The following GRIN3A variants were observed in gnomAD, a reference collection of about 807,000 sequenced individuals.
GRIN3A encodes the protein glutamate ionotropic receptor NMDA type subunit 3A, also known as glutamate receptor ionotropic, NMDA 3A.
In GRIN3A, 47 loss-of-function variants were observed where a neutral mutation model predicts 92.4. That is an observed-to-expected ratio of 0.51 (90% CI 0.40 to 0.65). GRIN3A has a LOEUF of 0.65. Ranked by LOEUF, GRIN3A falls within the 30% of genes least tolerant of loss-of-function variation. The pLI is 0.00. For missense variants in GRIN3A, 1,324 were observed against 1,393.1 expected (o/e 0.95, Z 0.79); for synonymous variants, 527 against 540.6 (o/e 0.97, Z 0.35).
At chr9:101,717,575 C>CT (rs1326734277) in intron 1 of GRIN3A, among the ~76,000 whole-genome samples, 1 of 152,202 alleles carries the variant, frequency 6.6e-6, no homozygotes, top group Non-Finnish European at 1.5e-5. Flanking sequence ...GAACTCTTGT[C>CT]TGATTTCCCG....
intron 3 of GRIN3A, among the ~76,000 whole-genome samples, chr9:101,658,195 A>G (rs758494821): frequency 1.3e-5 from 2 of 151,944 alleles, no homozygotes; most frequent in African/African-American, 4.8e-5. Context: ...TTTTAGCCCA[A>G]TTTCCTCATC....
intron 2 of GRIN3A, among the ~76,000 whole-genome samples, chr9:101,685,736 AAAT>A (rs1402309567): frequency 6.7e-6 from 1 of 149,690 alleles, no homozygotes; most frequent in African/African-American, 2.5e-5. Flanking sequence ...ATAAACAAAT[AAAT>A]AATATTTTAT....
chr9:101,604,787 T>C (rs1346250651), intron 6 of GRIN3A, among the ~76,000 whole-genome samples: 1 of 152,176 alleles, frequency 6.6e-6, no homozygotes, highest in Non-Finnish European at 1.5e-5. Flanking sequence ...AAAGATAAAC[T>C]GGTCAGAAAA....
intron 2 of GRIN3A, among the ~76,000 whole-genome samples, chr9:101,677,468 T>C (rs994742717): frequency 6.6e-6 from 1 of 152,152 alleles, no homozygotes; most frequent in South Asian, 2.1e-4. Flanking sequence ...TGGGAGATCT[T>C]GTCTTAAAGC....
chr9:101,685,375 T>C (rs1186409924), intron 2 of GRIN3A, among the ~76,000 whole-genome samples: 2 of 147,488 alleles, frequency 1.4e-5, no homozygotes, highest in Non-Finnish European at 3.0e-5. Flanking sequence ...TTTTTAAAGG[T>C]AAGAAGTTAT....
intron 6 of GRIN3A, chr9:101,594,384 T>G: frequency 6.4e-7 from 1 of 1,562,330 alleles, no homozygotes; most frequent in African/African-American, 1.4e-5. Context: ...CAGAAGTTGT[T>G]GGGTGGTGCT....
At chr9:101,584,464 A>G (rs969497630) in intron 6 of GRIN3A, among the ~76,000 whole-genome samples, 1 of 152,204 alleles carries the variant, frequency 6.6e-6, no homozygotes, top group African/African-American at 2.4e-5. Context: ...CTATACAACT[A>G]ATGTTTTAAA....
chr9:101,670,974 G>A lies in GRIN3A; in HGVS notation c.1438C>T (p.Arg480Cys), dbSNP rs149729514. 2.4e-5 allele frequency: 39 copies of A among 1,613,868 alleles called. No individual in the cohort carries two copies. The highest frequency in any genetic ancestry group is 6.7e-5 in the African/African-American group (5 of 74,904). Reference sequence around the variant, plus strand: ...TTTCCCCCCTGCCAGCTGCCCAAGCGGGTCCACATTGGCTTTCCCATGGGG... The same window carrying A: ...TTTCCCCCCTGCCAGCTGCCCAAGCAGGTCCACATTGGCTTTCCCATGGGG... ...HDPMGKPMWT[R>C]LGSWQGGKIV... Residue 480 changes from arginine (R) to cysteine (C), a missense_variant, in exon 3 of 9, where the codon CGC (arginine) becomes TGC (cysteine). By Grantham distance (180) the Arg-to-Cys change is radical. Coordinates refer to ENST00000361820, the MANE Select transcript of GRIN3A (RefSeq NM_133445.3).
At chr9:101,617,536 G>T (rs1373482083) in intron 5 of GRIN3A, among the ~76,000 whole-genome samples, 1 of 152,058 alleles carries the variant, frequency 6.6e-6, no homozygotes, top group Non-Finnish European at 1.5e-5. Context: ...TTAATTTGCA[G>T]TTGCTAAAAA....
chr9:101,720,628 A>G (rs1481323277), intron 1 of GRIN3A, among the ~76,000 whole-genome samples: 1 of 152,236 alleles, frequency 6.6e-6, no homozygotes, highest in Non-Finnish European at 1.5e-5. Context: ...ACATTGTTTC[A>G]ATGGAAAAAT....
intron 6 of GRIN3A, chr9:101,592,638 G>A (rs989335250): frequency 6.6e-6 from 1 of 152,152 alleles, no homozygotes; most frequent in African/African-American, 2.4e-5. Context: ...GGTTGAACAG[G>A]AATTGAAGGG....
intron 2 of GRIN3A, among the ~76,000 whole-genome samples, chr9:101,685,573 T>A (rs920433665): frequency 6.6e-6 from 1 of 152,002 alleles, no homozygotes; most frequent in African/African-American, 2.4e-5. Flanking sequence ...TTTAAGGATA[T>A]TCCCCCTTTC....
intron 6 of GRIN3A, among the ~76,000 whole-genome samples, chr9:101,605,790 T>C (rs974084203): frequency 6.6e-6 from 1 of 152,220 alleles, no homozygotes; most frequent in African/African-American, 2.4e-5. Context: ...CTTTTCCCTA[T>C]CCCATGCAAT....
In GRIN3A at chr9:101,623,334, C is replaced by A; in HGVS notation, c.2598G>T (p.Lys866Asn). Residue 866 changes from lysine (K) to asparagine (N), a missense_variant, in exon 5 of 9, where the codon AAG becomes AAT. Physicochemically the swap from Lys to Asn is moderately conservative, Grantham distance 94. Transcript: ENST00000361820. ...GATTAATACCTTCTATGGCAAATGG[C>A]TTCCCCACAGTGAGAAGTTTGCAGT... ...DADCKLLTVGKPFAIEGYGIG... is the reference protein window; with the variant it reads ...DADCKLLTVGNPFAIEGYGIG... 1 of 1,611,048 alleles carries A rather than the reference C, an allele frequency of 6.2e-7. No homozygotes were observed. Among genetic ancestry groups the A allele is most frequent in the Non-Finnish European group, 8.5e-7 (1 of 1,177,178 alleles).
intron 6 of GRIN3A, chr9:101,591,899 C>G (rs1310634976): frequency 6.6e-6 from 1 of 152,204 alleles, no homozygotes; most frequent in Non-Finnish European, 1.5e-5. Flanking sequence ...CATTTCCTCT[C>G]TTTGTTAAAT....
At chr9:101,623,729 C>A (rs142394965) in intron 4 of GRIN3A, among the ~76,000 whole-genome samples, 101 of 152,336 alleles carry the variant, frequency 6.6e-4, no homozygotes, top group African/African-American at 2.3e-3. Context: ...GAATAGGAAG[C>A]GCATAGAGAA....
At chr9:101,672,997 A>AAC (rs1829349392) in intron 2 of GRIN3A, among the ~76,000 whole-genome samples, 1 of 152,192 alleles carries the variant, frequency 6.6e-6, no homozygotes, top group African/African-American at 2.4e-5. Context: ...GATTTGTTAA[A>AAC]ACACACACAT....
intron 6 of GRIN3A, chr9:101,600,722 G>A (rs1368615507): frequency 6.6e-6 from 1 of 152,274 alleles, no homozygotes; most frequent in Non-Finnish European, 1.5e-5. Flanking sequence ...ACTGGAGTAG[G>A]GAGGTCAAGG....
At chr9:101,649,882 A>G (rs1422776294) in intron 3 of GRIN3A, among the ~76,000 whole-genome samples, 2 of 152,020 alleles carry the variant, frequency 1.3e-5, no homozygotes, top group Non-Finnish European at 2.9e-5. Flanking sequence ...CATAGTCTCA[A>G]ACAAGTGTAG....
Sources: gnomAD v4.1 joint callset for allele counts (sites outside exome capture counted in the v4.1 genomes callset) on GRCh38, gnomAD v4.1.1 for gene constraint, MANE v1.5 for transcripts, NCBI Gene and HGNC (gene_info 2026-07-23, HGNC 2026-07-21) for gene names.